SLC14A2: variants seen among roughly 807,000 people sequenced by gnomAD.
The protein encoded by SLC14A2 is solute carrier family 14 member 2.
SLC14A2 carries 91 observed loss-of-function variants against 104.6 expected under a neutral mutation model. That is an observed-to-expected ratio of 0.87 (90% CI 0.73 to 1.04). SLC14A2 has a LOEUF of 1.04. Ranked by LOEUF, SLC14A2 falls within the 50% of genes least tolerant of loss-of-function variation. The probability of loss-of-function intolerance (pLI) is 0.00; values close to 1 mark genes in which losing one functional copy is unlikely to be tolerated. For missense variants in SLC14A2, 1,189 were observed against 1,156.0 expected (o/e 1.03, Z -0.41); for synonymous variants, 476 against 466.4 (o/e 1.02, Z -0.27).
rs536096968 is a variant in SLC14A2, at chr18:45,644,623, C to G, written c.1351+463C>G. On this transcript the variant is annotated intron_variant, in intron 10 of 19. Transcript: ENST00000255226. ...GGCTCTCTAGTGGCTGAGCTAGAGA[C>G]TAATGACCACAAAGAGAGGAATTTC... Among the ~76,000 whole-genome samples the G allele has an allele frequency of 5.3e-5, 8 of 152,122 alleles. No individual in the cohort carries two copies. The East Asian group carries it at 1.4e-3, about 26-fold the overall frequency.
chr18:45,407,947 T>C (rs2086174358), intron 1 of SLC14A2, among the ~76,000 whole-genome samples: 1 of 152,194 alleles, frequency 6.6e-6, no homozygotes, highest in Non-Finnish European at 1.5e-5. Context: ...AATATTGTAA[T>C]AATTACCAAA....
upstream of SLC14A2, among the ~76,000 whole-genome samples, chr18:45,611,118 C>T (rs138324361): frequency 1.6e-4 from 25 of 152,254 alleles, no homozygotes; most frequent in African/African-American, 5.3e-4. Flanking sequence ...AGCATTTTCC[C>T]TACCCTCACC....
rs928477296 is a variant in SLC14A2 at position 45,475,456 on chromosome 18, G to T, written c.-124-7777G>T. Among the ~76,000 whole-genome samples the T allele has an allele frequency of 4.6e-5, 7 of 151,792 alleles. No homozygotes were observed. In the South Asian group the frequency reaches 1.5e-3, roughly 32 times the overall value. ...CTCATTGATCTGTCAAATATTGACA[G>T]TGGGGTGTTAATACACTATTATTGT... is the stretch of plus-strand genomic sequence containing the variant. On this transcript the variant is annotated intron_variant, in intron 1 of 20. Coordinates refer to the SLC14A2 transcript ENST00000586448.
At chr18:45,226,202 C>T (rs1179109533) in intron 1 of SLC14A2, among the ~76,000 whole-genome samples, 1 of 152,150 alleles carries the variant, frequency 6.6e-6, no homozygotes, top group Non-Finnish European at 1.5e-5. Flanking sequence ...GAAATAGGAA[C>T]ACTTTTACAC....
intron 15 of SLC14A2, among the ~76,000 whole-genome samples, chr18:45,669,018 C>T (rs904898237): frequency 2.6e-5 from 4 of 152,368 alleles, no homozygotes; most frequent in African/African-American, 7.2e-5. Context: ...TCCCTCCCCT[C>T]GGCCTCCCCA....
chr18:45,276,189 C>T (rs373649358), intron 1 of SLC14A2, among the ~76,000 whole-genome samples: 1 of 152,108 alleles, frequency 6.6e-6, no homozygotes, highest in African/African-American at 2.4e-5. Flanking sequence ...CATCTAGAGC[C>T]CTGTAGGTTG....
intron 1 of SLC14A2, among the ~76,000 whole-genome samples, chr18:45,225,740 T>C (rs1274427423): frequency 6.6e-6 from 1 of 152,206 alleles, no homozygotes; most frequent in African/African-American, 2.4e-5. Flanking sequence ...TATTTTATTC[T>C]CTTTGAAGCA....
rs530720806 is a variant in SLC14A2, at chr18:45,593,033, T to C, written c.-34-31598T>C. ...AGAGCTGTCCAATAGAAATAACATG[T>C]GAGGCCGGGCGCCGTGGCTCACGCC... On this transcript the variant is annotated intron_variant, in intron 2 of 20. Transcript: ENST00000586448. Among the ~76,000 whole-genome samples, 179 of 152,234 alleles carry C rather than the reference T, an allele frequency of 1.2e-3. 1 individual carries two copies. Among genetic ancestry groups the C allele is most frequent in the East Asian group, 2.1e-3 (11 of 5,172 alleles).
chr18:45,632,747 G>A (rs1402146795), intron 5 of SLC14A2, among the ~76,000 whole-genome samples: 3 of 152,114 alleles, frequency 2.0e-5, no homozygotes, highest in Admixed American at 6.6e-5. Context: ...GCGCAATCTC[G>A]GCTCACTGCA....
upstream of SLC14A2, among the ~76,000 whole-genome samples, chr18:45,209,383 G>A (rs999894968): frequency 2.0e-5 from 3 of 151,570 alleles, no homozygotes; most frequent in Non-Finnish European, 4.4e-5. Context: ...CAACAACTGT[G>A]GTCAAAATGT....
intron 1 of SLC14A2, among the ~76,000 whole-genome samples, chr18:45,265,926 T>A (rs1208417815): frequency 1.3e-5 from 2 of 152,196 alleles, no homozygotes; most frequent in Non-Finnish European, 2.9e-5. Context: ...ATCCTTGCCA[T>A]CATGGAGTGT....
At chr18:45,575,960 C>T (rs2044413233) in intron 2 of SLC14A2, among the ~76,000 whole-genome samples, 1 of 152,046 alleles carries the variant, frequency 6.6e-6, no homozygotes, top group Non-Finnish European at 1.5e-5. Context: ...GAGCAGAGGC[C>T]ATCTACAGCA....
the SLC14A2 span, among the ~76,000 whole-genome samples, chr18:45,192,636 G>GTTTTTTTTTTGTTTT: frequency 1.3e-3 from 148 of 112,820 alleles, 3 homozygotes; most frequent in South Asian, 0.024. Context: ...GTGTGTGTGT[G>GTTTTTTTTTTGTTTT]GTTTTTTTTT....
intron 2 of SLC14A2, among the ~76,000 whole-genome samples, chr18:45,591,261 C>T (rs1043070254): frequency 1.3e-5 from 2 of 152,192 alleles, no homozygotes; most frequent in African/African-American, 4.8e-5. Flanking sequence ...CATACACATA[C>T]CCCCAGCAGT....
At chr18:45,281,005 G>T (rs1451850790) in intron 1 of SLC14A2, among the ~76,000 whole-genome samples, 1 of 151,952 alleles carries the variant, frequency 6.6e-6, no homozygotes, top group African/African-American at 2.4e-5. Context: ...CTCCCAACGT[G>T]CCAAGCCCCA....
intron 2 of SLC14A2, among the ~76,000 whole-genome samples, chr18:45,599,117 T>A (rs1001864214): frequency 6.6e-6 from 1 of 152,194 alleles, no homozygotes; most frequent in Admixed American, 6.5e-5. Context: ...AACAAGTCTA[T>A]AAACCAAACC....
intron 1 of SLC14A2, among the ~76,000 whole-genome samples, chr18:45,260,914 C>T (rs556802902): frequency 5.9e-5 from 9 of 152,188 alleles, no homozygotes; most frequent in African/African-American, 7.2e-5. Flanking sequence ...GGTAACAGGA[C>T]CATCCGTACC....
At chr18:45,549,158 A>G (rs1286211271) in intron 2 of SLC14A2, among the ~76,000 whole-genome samples, 1 of 152,248 alleles carries the variant, frequency 6.6e-6, no homozygotes, top group African/African-American at 2.4e-5. Flanking sequence ...CAATGTGACC[A>G]CAAGGGGCCT....
intron 1 of SLC14A2, among the ~76,000 whole-genome samples, chr18:45,473,197 C>T: frequency 6.6e-6 from 1 of 152,094 alleles, no homozygotes; most frequent in Non-Finnish European, 1.5e-5. Context: ...AGATGTGTGG[C>T]ATTACTCCTG....
Sources: gnomAD v4.1 joint callset for allele counts (sites outside exome capture counted in the v4.1 genomes callset) on GRCh38, gnomAD v4.1.1 for gene constraint, MANE v1.5 for transcripts, NCBI Gene and HGNC (gene_info 2026-07-23, HGNC 2026-07-21) for gene names.